Variants in CXCL13 observed in about 807,000 individuals in gnomAD.
CXCL13 encodes C-X-C motif chemokine ligand 13.
CXCL13 carries 7 observed loss-of-function variants against 12.2 expected under a neutral mutation model. That is an observed-to-expected ratio of 0.57 (90% confidence interval 0.33 to 1.07). CXCL13 has a LOEUF of 1.07. Ranked by LOEUF, CXCL13 falls within the 50% of genes least tolerant of loss-of-function variation. CXCL13 has a pLI of 0.04. For synonymous variants in CXCL13, 47 were observed against 42.4 expected, an observed-to-expected ratio of 1.11 and a Z score of -0.42; for missense variants, 113 against 127.4, an observed-to-expected ratio of 0.89 and a Z score of 0.55.
chr4:77,555,750 C>T (rs1725642362), intron 1 of CXCL13, among the ~76,000 whole-genome samples: 1 of 151,964 alleles, frequency 6.6e-6, no homozygotes, highest in Non-Finnish European at 1.5e-5. Context: ...AGACCTGTAT[C>T]CAGAATATAT....
At chr4:77,607,335 G>A (rs1256886093) in intron 1 of CXCL13, among the ~76,000 whole-genome samples, 1 of 152,022 alleles carries the variant, frequency 6.6e-6, no homozygotes, top group African/African-American at 2.4e-5. Flanking sequence ...GCTAATTTTT[G>A]TTTTGTTTTC....
intron 1 of CXCL13, among the ~76,000 whole-genome samples, chr4:77,562,832 G>C (rs1374121904): frequency 6.6e-6 from 1 of 152,148 alleles, no homozygotes; most frequent in Non-Finnish European, 1.5e-5. Context: ...TCAGCACTCT[G>C]TCAAAACGGA....
chr4:77,593,358 A>G (rs1194810299), intron 1 of CXCL13, among the ~76,000 whole-genome samples: 1 of 152,218 alleles, frequency 6.6e-6, no homozygotes, highest in Non-Finnish European at 1.5e-5. Flanking sequence ...TCATTGCATC[A>G]CATCATCTCC....
intron 1 of CXCL13, among the ~76,000 whole-genome samples, chr4:77,518,593 C>G (rs1282279268): frequency 6.6e-6 from 1 of 152,180 alleles, no homozygotes; most frequent in Non-Finnish European, 1.5e-5. Flanking sequence ...GCATCAGCTC[C>G]TGAGGCTTCT....
At chr4:77,610,885 T>A (rs2109839910) in intron 3 of CXCL13, 103 bp from the exon 4 acceptor site, 1 of 1,052,024 alleles carries the variant, frequency 9.5e-7, no homozygotes. Context: ...CCAAACTAGA[T>A]GCCAGTATAC....
At chr4:77,529,628 A>G (rs916835864) in intron 1 of CXCL13, among the ~76,000 whole-genome samples, 3 of 152,180 alleles carry the variant, frequency 2.0e-5, no homozygotes, top group Admixed American at 2.0e-4. Context: ...TTGATTTTGT[A>G]TCCTGAGACT....
At position 77,611,613 on chromosome 4, in the gene CXCL13, C is replaced by A. The variant is rs992129255; in HGVS notation, c.*574C>A. 3.0e-5 allele frequency: 12 copies of A among 398,368 alleles called. No homozygotes were observed. Among genetic ancestry groups the A allele is most frequent in the South Asian group, 1.3e-4 (1 of 7,576 alleles). 24.7% of individuals were successfully genotyped at this position (398,368 alleles called of 1,614,324 possible). The stretch of plus-strand genomic sequence containing the variant: ...TTTACTGTCTAAGATTAATAGCATT[C>A]GAAGATCCCCAGACTTCATAGAATA... On this transcript the variant is annotated 3_prime_UTR_variant, in exon 4 of 4. Transcript: ENST00000682537.
intron 1 of CXCL13, among the ~76,000 whole-genome samples, chr4:77,555,672 A>G (rs200265027): frequency 1.3e-5 from 2 of 152,126 alleles, no homozygotes; most frequent in East Asian, 1.9e-4. Context: ...CCATATTTCA[A>G]AAGTCACCTT....
rs1007918973 is a variant in CXCL13, at chr4:77,611,397, C to T, written c.*358C>T. ...TTAAGCCTCAAATTTGAACATGTGG[C>T]TTGAATTAAGAAGAAAATTATGGCA... On this transcript the variant is annotated 3_prime_UTR_variant, in exon 4 of 4. Transcript: ENST00000682537. The T allele has an allele frequency of 8.2e-6, 3 of 364,520 alleles. No individual in the cohort carries two copies. The highest frequency in any genetic ancestry group is 1.5e-5 in the Non-Finnish European group (3 of 206,464). The allele number at this position is 364,520 out of a possible 1,614,324, so 22.6% of individuals were successfully genotyped here.
At chr4:77,563,766 C>A (rs963792902) in intron 1 of CXCL13, among the ~76,000 whole-genome samples, 1 of 152,216 alleles carries the variant, frequency 6.6e-6, no homozygotes, top group Admixed American at 6.5e-5. Context: ...CATAGGAATT[C>A]TCCTCCTCAT....
At chr4:77,531,251 T>C (rs994573963) in intron 1 of CXCL13, among the ~76,000 whole-genome samples, 5 of 149,386 alleles carry the variant, frequency 3.3e-5, no homozygotes, top group African/African-American at 9.8e-5. Flanking sequence ...ATTAGGTATA[T>C]CTCCTAATGC....
At chr4:77,554,626 C>A (rs576506844) in intron 1 of CXCL13, among the ~76,000 whole-genome samples, 25 of 152,174 alleles carry the variant, frequency 1.6e-4, no homozygotes, top group Non-Finnish European at 2.4e-4. Flanking sequence ...TAGGATGCTC[C>A]ATGGAACAAC....
At chr4:77,554,319 G>A (rs960703232) in intron 1 of CXCL13, among the ~76,000 whole-genome samples, 2 of 152,112 alleles carry the variant, frequency 1.3e-5, no homozygotes, top group South Asian at 4.1e-4. Flanking sequence ...TTTACCTTAA[G>A]AAAACTAGAG....
intron 1 of CXCL13, among the ~76,000 whole-genome samples, chr4:77,520,944 G>A (rs1354145358): frequency 1.3e-5 from 2 of 152,216 alleles, no homozygotes; most frequent in Admixed American, 6.5e-5. Context: ...GAATTTTCTT[G>A]AAGGCCTTTT....
At chr4:77,572,923 T>G (rs1406410878) in intron 1 of CXCL13, among the ~76,000 whole-genome samples, 1 of 151,136 alleles carries the variant, frequency 6.6e-6, no homozygotes, top group African/African-American at 2.5e-5. Context: ...AATGAGAACA[T>G]GTCCTTTGCA....
intron 1 of CXCL13, among the ~76,000 whole-genome samples, chr4:77,529,222 A>C (rs1289469935): frequency 6.6e-6 from 1 of 152,168 alleles, no homozygotes; most frequent in African/African-American, 2.4e-5. Flanking sequence ...TGATGCCTCC[A>C]GCTTTGTTCT....
At chr4:77,534,118 G>C (rs1206576571) in intron 1 of CXCL13, among the ~76,000 whole-genome samples, 1 of 152,190 alleles carries the variant, frequency 6.6e-6, no homozygotes, top group Non-Finnish European at 1.5e-5. Flanking sequence ...CCCGTCTTCT[G>C]CGTTGCTCAT....
intron 1 of CXCL13, among the ~76,000 whole-genome samples, chr4:77,529,455 T>G (rs1473767742): frequency 6.6e-6 from 1 of 152,216 alleles, no homozygotes; most frequent in African/African-American, 2.4e-5. Context: ...TTTATTTCCT[T>G]GAGCAGTGGT....
intron 1 of CXCL13, among the ~76,000 whole-genome samples, chr4:77,528,317 G>A (rs1287496142): frequency 1.3e-5 from 2 of 152,128 alleles, no homozygotes; most frequent in Non-Finnish European, 2.9e-5. Flanking sequence ...TGGGTCAAAT[G>A]GTATTTCTAG....
Sources: allele counts gnomAD v4.1 joint callset (sites outside exome capture counted in the v4.1 genomes callset), GRCh38; gene constraint gnomAD v4.1.1; transcripts MANE v1.5; gene names NCBI Gene and HGNC (gene_info 2026-07-23, HGNC 2026-07-21).